The following PHF2 variants were observed in gnomAD, a reference collection of about 807,000 sequenced individuals.
PHF2 encodes the protein PHD finger protein 2.
In PHF2, 27 loss-of-function variants were observed where a neutral mutation model predicts 120.5. That is an observed-to-expected ratio of 0.22 (90% CI 0.17 to 0.31). The LOEUF is 0.31. Ranked by LOEUF, PHF2 falls within the 10% of genes least tolerant of loss-of-function variation. The pLI, the probability that PHF2 is intolerant of heterozygous loss-of-function variation, is 1.00. For synonymous variants in PHF2, 568 were observed against 592.5 expected (o/e 0.96, Z 0.60); for missense variants, 1,024 against 1,434.8 (o/e 0.71, Z 4.63).
chr9:93,627,492 A>ATTTTTTTTATTTTTTTTTTTTTTTTTT (rs1825932217), intron 1 of PHF2, among the ~76,000 whole-genome samples: 1 of 108,176 alleles, frequency 9.2e-6, no homozygotes, highest in African/African-American at 3.8e-5. Context: ...TTATTTCAGG[A>ATTTTTTTTATTTTTTTTTTTTTTTTTT]TTTTTTTTTT....
intron 3 of PHF2, among the ~76,000 whole-genome samples, chr9:93,641,293 T>G (rs1405951825): frequency 6.6e-6 from 1 of 152,212 alleles, no homozygotes; most frequent in Non-Finnish European, 1.5e-5. Flanking sequence ...ATTTCCATCC[T>G]TCTGCCGGAT....
intron 1 of PHF2, among the ~76,000 whole-genome samples, chr9:93,617,914 G>A (rs1322254943): frequency 1.3e-5 from 2 of 152,098 alleles, no homozygotes; most frequent in Non-Finnish European, 1.5e-5. Flanking sequence ...ATTAAGGGTG[G>A]GTCTGCCTTT....
rs777886031 is a variant in PHF2 at position 93,663,046 on chromosome 9, A to G, written c.1818+20A>G. 1.1e-5 allele frequency: 17 copies of G among 1,613,760 alleles called. No individual in the cohort carries two copies. Among genetic ancestry groups the G allele is most frequent in the African/African-American group, 1.3e-5 (1 of 74,924 alleles). ...TACAAGGTGAGAAGTGCACATATGC[A>G]TGCACACGTGTGTGTGTCAGCTTGG... is the stretch of plus-strand genomic sequence containing the variant. On this transcript the variant is annotated intron_variant, in intron 13 of 21. Coordinates refer to ENST00000359246, the MANE Select transcript of PHF2 (RefSeq NM_005392.4).
chr9:93,578,599 T>C (rs1339271731), intron 1 of PHF2, among the ~76,000 whole-genome samples: 3 of 151,680 alleles, frequency 2.0e-5, no homozygotes, highest in Admixed American at 6.6e-5. Context: ...GGGCCCAGAG[T>C]AGGGAGAGTG....
At position 93,659,498 on chromosome 9, in the gene PHF2, G is replaced by C; in HGVS notation, c.1240-13G>C. ...GGTGTCTGGTGCTGACCCTGGGTCC[G>C]GTTGTCCTGCAGGCTTTGGCAGAGC... On this transcript the variant is annotated splice_polypyrimidine_tract_variant and intron_variant, in intron 10 of 21. Transcript: ENST00000359246. 6.2e-7 allele frequency: 1 copy of C among 1,612,348 alleles called. No homozygotes were observed. The highest frequency in any genetic ancestry group is 8.5e-7 in the Non-Finnish European group (1 of 1,178,520).
intron 6 of PHF2, 97 bp downstream of exon 6, chr9:93,653,462 C>T (rs578253146): frequency 5.4e-5 from 70 of 1,298,454 alleles, no homozygotes; most frequent in African/African-American, 5.1e-4. Flanking sequence ...GGCCAGGATG[C>T]GACTCCCCAG....
chr9:93,586,221 G>A (rs1863041934), intron 1 of PHF2, among the ~76,000 whole-genome samples: 1 of 152,228 alleles, frequency 6.6e-6, no homozygotes, highest in African/African-American at 2.4e-5. Flanking sequence ...AAGCAGTGGG[G>A]AGTCTCACTA....
intron 2 of PHF2, among the ~76,000 whole-genome samples, chr9:93,630,355 G>T (rs7850596): frequency 0.028 from 4,294 of 152,340 alleles, 190 homozygotes; most frequent in African/African-American, 0.097. Context: ...AGGGGGACAC[G>T]GACTTGGGGA....
In PHF2 at chr9:93,677,564, G is replaced by T. The variant is rs199504813; in HGVS notation, c.3203-24G>T. On this transcript the variant is annotated intron_variant, in intron 21 of 21. Coordinates refer to ENST00000359246, the MANE Select transcript of PHF2 (RefSeq NM_005392.4). This position sits in a 1 kb window ranked among gnomAD's most constrained non-coding sequence, Gnocchi z 4.4. Reference sequence around the variant, plus strand: ...GCCATCTAGCTTACCTTCCCTTTTTGTGTCCCCTCCCCGACTCCCCTAGGA... The same window carrying T: ...GCCATCTAGCTTACCTTCCCTTTTTTTGTCCCCTCCCCGACTCCCCTAGGA... 1.9e-6 allele frequency: 3 copies of T among 1,593,618 alleles called. No homozygotes were observed. The highest frequency in any genetic ancestry group is 1.7e-5 in the Admixed American group (1 of 57,784).
chr9:93,667,289 C>A (rs1395738214), intron 17 of PHF2, 49 bp downstream of exon 17: 1 of 1,574,960 alleles, frequency 6.3e-7, no homozygotes. Context: ...CAGGCAGGCC[C>A]AGGGCTGGCC....
rs952493424 is a variant in PHF2 at position 93,654,457 on chromosome 9, C to A, written c.834C>A (p.Ile278=). ...FYLIRPASAN[I]SLYERWRSAS... is the part of the protein sequence containing the mutation. ...TCATCAGGCCGGCCTCGGCCAACAT[C>A]TCCCTGTATGAGCGCTGGCGGTCTG... The change falls in exon 7 of 22, where the codon ATC becomes ATA. Residue 278 remains isoleucine, a synonymous_variant. Transcript: ENST00000359246. 3.7e-6 allele frequency: 6 copies of A among 1,613,884 alleles called. No homozygotes were observed. The East Asian group carries it at 1.3e-4, about 36-fold the overall frequency.
chr9:93,630,663 T>C (rs7873003), intron 2 of PHF2, among the ~76,000 whole-genome samples: 98,596 of 152,028 alleles, frequency 0.65, 32,494 homozygotes, highest in African/African-American at 0.7. Flanking sequence ...ACAGGCTTGG[T>C]TCACCCTGTG....
At chr9:93,651,589 C>G (rs1826370893) in intron 5 of PHF2, among the ~76,000 whole-genome samples, 2 of 152,138 alleles carry the variant, frequency 1.3e-5, no homozygotes, top group African/African-American at 2.4e-5. Context: ...GGCCTGCTGC[C>G]TCAGGGGGGC....
Position 93,673,569 on chromosome 9 carries a change from C to A in PHF2, c.2349-16C>A. 6.5e-7 allele frequency: 1 copy of A among 1,540,918 alleles called. No homozygotes were observed. Among genetic ancestry groups the A allele is most frequent in the South Asian group, 1.2e-5 (1 of 80,060 alleles). Reference sequence around the variant, plus strand: ...CAAGAGCACTGGGCTGAGTGCCTGTCTCTCTGTGCCCCTAGCCAGCCCCCG... The same window carrying A: ...CAAGAGCACTGGGCTGAGTGCCTGTATCTCTGTGCCCCTAGCCAGCCCCCG... On this transcript the variant is annotated splice_polypyrimidine_tract_variant and intron_variant, in intron 17 of 21. Transcript: ENST00000359246.
At chr9:93,626,683 AT>A (rs922683488) in intron 1 of PHF2, among the ~76,000 whole-genome samples, 1 of 152,190 alleles carries the variant, frequency 6.6e-6, no homozygotes, top group Non-Finnish European at 1.5e-5. Flanking sequence ...ATTTACTCCT[AT>A]GTTTTCTTCT....
chr9:93,632,121 C>T (rs1407192607), intron 2 of PHF2, among the ~76,000 whole-genome samples: 3 of 152,214 alleles, frequency 2.0e-5, no homozygotes, highest in Non-Finnish European at 4.4e-5. Flanking sequence ...TGTGTGCCTG[C>T]CTCACCCAGA....
At chr9:93,624,665 G>T (rs866452066) in intron 1 of PHF2, among the ~76,000 whole-genome samples, 32 of 129,444 alleles carry the variant, frequency 2.5e-4, no homozygotes, top group African/African-American at 9.2e-4. Context: ...TGGTGTTGGT[G>T]GTGATGGTGA....
intron 17 of PHF2, among the ~76,000 whole-genome samples, chr9:93,668,928 G>A (rs957473386): frequency 2.0e-5 from 3 of 152,198 alleles, no homozygotes; most frequent in Non-Finnish European, 4.4e-5. Flanking sequence ...TTTAAGTATC[G>A]GCTGCTTGGA....
chr9:93,673,117 G>T (rs903960501), intron 17 of PHF2, among the ~76,000 whole-genome samples: 7 of 151,880 alleles, frequency 4.6e-5, no homozygotes, highest in South Asian at 2.1e-4. Flanking sequence ...ACATGGGAAG[G>T]TTCCCTACAA....
Sources: gnomAD v4.1 joint callset for allele counts (sites outside exome capture counted in the v4.1 genomes callset) on GRCh38, gnomAD v4.1.1 for gene constraint, Gnocchi (gnomAD v3.1) non-coding constraint, MANE v1.5 for transcripts, NCBI Gene and HGNC (gene_info 2026-07-23, HGNC 2026-07-21) for gene names.